Variants in DLGAP1 observed in about 807,000 individuals in gnomAD.
DLGAP1 encodes disks large-associated protein 1.
DLGAP1 carries 11 observed loss-of-function variants against 90.8 expected under a neutral mutation model. The ratio of observed to expected loss-of-function variants is 0.12; its 90% CI spans 0.08 to 0.20. The LOEUF is 0.20. Among genes scored for constraint, DLGAP1 ranks in the 10% least tolerant of loss-of-function variants. The pLI is 1.00. For missense variants in DLGAP1, 1,050 were observed against 1,333.8 expected, an observed-to-expected ratio of 0.79 and a Z score of 3.31; for synonymous variants, 558 against 540.7, an observed-to-expected ratio of 1.03 and a Z score of -0.44.
At chr18:3,920,954 A>G (rs962182217) in intron 3 of DLGAP1, among the ~76,000 whole-genome samples, 1 of 152,226 alleles carries the variant, frequency 6.6e-6, no homozygotes, top group African/African-American at 2.4e-5. Flanking sequence ...CTTTTCAACA[A>G]CAGCTCTCGC....
intron 2 of DLGAP1, among the ~76,000 whole-genome samples, chr18:4,082,781 G>C (rs55877589): frequency 6.6e-6 from 1 of 152,078 alleles, no homozygotes; most frequent in Non-Finnish European, 1.5e-5. Flanking sequence ...ACTGGTGTCA[G>C]AACAAGAAAG....
chr18:4,298,412 A>C (rs537791317), intron 1 of DLGAP1, among the ~76,000 whole-genome samples: 1 of 152,298 alleles, frequency 6.6e-6, no homozygotes, highest in Admixed American at 6.5e-5. Flanking sequence ...ATAGTTAAAG[A>C]AGCATATACA....
chr18:3,669,156 G>A (rs1042543369), intron 7 of DLGAP1, among the ~76,000 whole-genome samples: 5 of 125,298 alleles, frequency 4.0e-5, no homozygotes, highest in Non-Finnish European at 9.3e-5. Context: ...AACGCAGACT[G>A]GTATTAGGGT....
chr18:3,971,140 C>T (rs7242113), intron 3 of DLGAP1, among the ~76,000 whole-genome samples: 5,581 of 152,240 alleles, frequency 0.037, 313 homozygotes, highest in African/African-American at 0.12. Context: ...ACCTCAAGGT[C>T]GCTTTTCTCC....
chr18:4,252,717 G>C (rs2078808602), intron 1 of DLGAP1, among the ~76,000 whole-genome samples: 1 of 152,194 alleles, frequency 6.6e-6, no homozygotes, highest in South Asian at 2.1e-4. Flanking sequence ...AATTTTTGCA[G>C]AATTCAAATG....
rs1433406127 is a variant in DLGAP1, at chr18:4,383,853, C to T, written c.-267+71153G>A. Among the ~76,000 whole-genome samples the T allele has an allele frequency of 6.6e-6, 1 of 152,090 alleles. No individual in the cohort carries two copies. Among genetic ancestry groups the T allele is most frequent in the Non-Finnish European group, 1.5e-5 (1 of 67,992 alleles). ...ACAAGTTTGAGGATGAGATTAAGTG[C>T]AACCATTTCAATGGCTCCTACCAAA... On this transcript the variant is annotated intron_variant, in intron 1 of 12. Transcript: ENST00000315677. This position sits in a 1 kb window ranked among gnomAD's most constrained non-coding sequence, Gnocchi z 4.0.
At chr18:3,723,118 GGCCAAAACA>G (rs1472213034) in intron 7 of DLGAP1, among the ~76,000 whole-genome samples, 2 of 152,086 alleles carry the variant, frequency 1.3e-5, no homozygotes, top group Non-Finnish European at 2.9e-5. Context: ...TGGCTTTGTG[GGCCAAAACA>G]TTCCTGCAGA....
rs900629690 is a variant in DLGAP1 at position 4,051,585 on chromosome 18, A to G, written c.-158-46384T>C. ...CAATGTGGGGATTATGGAAACTACA[A>G]TTCAAGATGAGATTTGGGTGGAGAC... On this transcript the variant is annotated intron_variant, in intron 2 of 12. Coordinates refer to ENST00000315677, the MANE Select transcript of DLGAP1 (RefSeq NM_004746.4). 3.3e-5 allele frequency among the ~76,000 whole-genome samples: 5 copies of G among 152,200 alleles called. No individual in the cohort carries two copies. In the East Asian group the frequency reaches 9.6e-4, roughly 29 times the overall value.
intron 1 of DLGAP1, among the ~76,000 whole-genome samples, chr18:4,181,106 C>T (rs2077200631): frequency 6.6e-6 from 1 of 152,138 alleles, no homozygotes; most frequent in African/African-American, 2.4e-5. Flanking sequence ...TGATTTACGT[C>T]TAGGATTTTT....
At chr18:3,959,538 G>A (rs1306630377) in intron 3 of DLGAP1, among the ~76,000 whole-genome samples, 1 of 152,016 alleles carries the variant, frequency 6.6e-6, no homozygotes. Flanking sequence ...GTGGTGTCGC[G>A]TGTCTGTGAT....
At chr18:4,001,220 C>T (rs2074178830) in intron 3 of DLGAP1, among the ~76,000 whole-genome samples, 1 of 151,898 alleles carries the variant, frequency 6.6e-6, no homozygotes, top group South Asian at 2.1e-4. Flanking sequence ...TTTTCTTCAA[C>T]TCTTAATATT....
At chr18:3,898,041 G>T (rs551076729) in intron 3 of DLGAP1, among the ~76,000 whole-genome samples, 2 of 151,862 alleles carry the variant, frequency 1.3e-5, no homozygotes, top group East Asian at 1.9e-4. Flanking sequence ...TGATCCGCCC[G>T]CCTTGGCCTC....
rs2071116042 is a variant in DLGAP1 at position 3,880,118 on chromosome 18, C to A, written c.-50G>T. 1 of 1,550,648 alleles carries A rather than the reference C, an allele frequency of 6.4e-7. No individual in the cohort carries two copies. The highest frequency in any genetic ancestry group is 8.8e-7 in the Non-Finnish European group (1 of 1,139,256). On this transcript the variant is annotated 5_prime_UTR_variant, in exon 4 of 13. Coordinates refer to ENST00000315677, the MANE Select transcript of DLGAP1 (RefSeq NM_004746.4). ...GTCATGGACACCCGGAAGTCAGGCT[C>A]CAGACCCGTCTTGGGCAGGGATCTG...
At chr18:3,740,304 G>A (rs1435300767) in intron 6 of DLGAP1, among the ~76,000 whole-genome samples, 3 of 152,066 alleles carry the variant, frequency 2.0e-5, no homozygotes, top group Non-Finnish European at 2.9e-5. Context: ...AACAAAACAA[G>A]TCCAAAATGC....
At chr18:4,420,506 T>TC (rs2083004661) in intron 1 of DLGAP1, among the ~76,000 whole-genome samples, 2 of 152,116 alleles carry the variant, frequency 1.3e-5, no homozygotes, top group Admixed American at 1.3e-4. Flanking sequence ...CTACTTATAG[T>TC]TCTCTCTCTC....
intron 9 of DLGAP1, among the ~76,000 whole-genome samples, chr18:3,554,895 A>G (rs144420790): frequency 2.6e-5 from 4 of 152,070 alleles, no homozygotes; most frequent in African/African-American, 7.2e-5. Flanking sequence ...TCTTTGCACT[A>G]TCTCTTTCTC....
intron 3 of DLGAP1, among the ~76,000 whole-genome samples, chr18:3,910,130 A>C (rs1599147259): frequency 1.3e-5 from 2 of 150,334 alleles, no homozygotes; most frequent in South Asian, 2.1e-4. Flanking sequence ...GCTGTCGGCT[A>C]TCTAGTATCC....
intron 1 of DLGAP1, among the ~76,000 whole-genome samples, chr18:4,413,772 A>C (rs1296897077): frequency 1.3e-5 from 2 of 152,202 alleles, no homozygotes; most frequent in African/African-American, 4.8e-5. Context: ...GAGAAATGAT[A>C]ATGTTCTCTT....
chr18:4,046,179 A>C (rs1394955108), intron 2 of DLGAP1, among the ~76,000 whole-genome samples: 1 of 152,212 alleles, frequency 6.6e-6, no homozygotes, highest in East Asian at 1.9e-4. Context: ...TCTGATGAAC[A>C]AAATCGTGCA....
Sources: gnomAD v4.1 joint callset for allele counts (sites outside exome capture counted in the v4.1 genomes callset) on GRCh38, gnomAD v4.1.1 for gene constraint, Gnocchi (gnomAD v3.1) non-coding constraint, MANE v1.5 for transcripts, NCBI Gene and HGNC (gene_info 2026-07-23, HGNC 2026-07-21) for gene names.